CAST: variants seen among roughly 807,000 people sequenced by gnomAD.
The protein encoded by CAST is MIR583 host.
Under a neutral mutation model 119.6 loss-of-function variants are expected in CAST, and 76 were observed. That is an observed-to-expected ratio of 0.64 (90% CI 0.53 to 0.77). The LOEUF (loss-of-function observed/expected upper bound fraction) is 0.77, where lower values mean the gene tolerates loss of function less well. Ranked by LOEUF, CAST falls within the 30% of genes least tolerant of loss-of-function variation. The pLI is 0.00. For missense variants in CAST, 953 were observed against 946.5 expected, an observed-to-expected ratio of 1.01 and a Z score of -0.09; for synonymous variants, 319 against 331.6, an observed-to-expected ratio of 0.96 and a Z score of 0.41.
the CAST span, among the ~76,000 whole-genome samples, chr5:96,227,693 TG>T: frequency 6.6e-6 from 1 of 152,324 alleles, no homozygotes; most frequent in South Asian, 2.1e-4. Context: ...CCTTGTTTTT[TG>T]TTACTTTTTA....
intron 24 of CAST, chr5:96,760,888 G>A (rs1476783229): frequency 6.6e-6 from 1 of 151,620 alleles, no homozygotes; most frequent in African/African-American, 2.4e-5. Context: ...TGATACATTC[G>A]GAAAATAAAT....
chr5:96,706,074 T>G (rs1387359506), intron 3 of CAST, among the ~76,000 whole-genome samples: 1 of 152,226 alleles, frequency 6.6e-6, no homozygotes. Context: ...TAGTAATTGC[T>G]CAATATTTAT....
chr5:96,217,770 A>C, the CAST span, among the ~76,000 whole-genome samples: 1 of 152,192 alleles, frequency 6.6e-6, no homozygotes, highest in Non-Finnish European at 1.5e-5. Flanking sequence ...CAGAAACAGG[A>C]AAAACTTAAC....
intron 1 of CAST, among the ~76,000 whole-genome samples, chr5:96,665,372 A>G (rs1749183958): frequency 6.6e-6 from 1 of 152,208 alleles, no homozygotes; most frequent in Non-Finnish European, 1.5e-5. Context: ...GAGATATTTT[A>G]CATTCTTTTT....
chr5:96,346,783 A>G, the CAST span, among the ~76,000 whole-genome samples: 2 of 152,078 alleles, frequency 1.3e-5, no homozygotes, highest in African/African-American at 4.8e-5. Flanking sequence ...TGTGACCCCC[A>G]TCTGTCATAA....
the CAST span, among the ~76,000 whole-genome samples, chr5:96,167,375 T>A: frequency 6.6e-6 from 1 of 152,098 alleles, no homozygotes; most frequent in Non-Finnish European, 1.5e-5. Context: ...ATAGTAGGGA[T>A]GACAAGTTTT....
chr5:96,735,869 C>T (rs1033118639), intron 9 of CAST, among the ~76,000 whole-genome samples: 2 of 152,116 alleles, frequency 1.3e-5, no homozygotes, highest in Admixed American at 6.5e-5. Context: ...TGGCTGTGGG[C>T]CCTGGAGAAG....
intron 1 of CAST, among the ~76,000 whole-genome samples, chr5:96,609,403 T>G (rs941231408): frequency 6.7e-6 from 1 of 150,114 alleles, no homozygotes; most frequent in African/African-American, 2.5e-5. Context: ...AGATAAACCA[T>G]TTAAAGCGGT....
chr5:96,410,940 C>A, the CAST span: 1 of 1,614,056 alleles, frequency 6.2e-7, no homozygotes, highest in Non-Finnish European at 8.5e-7. Context: ...CTGACGCCCC[C>A]CGTTTCCCGA....
At chr5:96,290,256 G>A in the CAST span, among the ~76,000 whole-genome samples, 2 of 152,130 alleles carry the variant, frequency 1.3e-5, no homozygotes, top group African/African-American at 2.4e-5. Context: ...CAGAAACAAA[G>A]AGTAGAAAAA....
At chr5:96,763,281 C>T (rs1768668290) in intron 25 of CAST, 1 of 780,372 alleles carries the variant, frequency 1.3e-6, no homozygotes, top group Middle Eastern at 2.3e-4. Flanking sequence ...CCCCGGGCAG[C>T]TCTACCATTA....
At chr5:96,363,474 G>A in the CAST span, among the ~76,000 whole-genome samples, 35 of 152,088 alleles carry the variant, frequency 2.3e-4, no homozygotes, top group East Asian at 3.9e-4. Flanking sequence ...TGAGCATGGA[G>A]TGTTCTTCCA....
chr5:96,502,990 G>A, the CAST span, among the ~76,000 whole-genome samples: 3 of 152,082 alleles, frequency 2.0e-5, no homozygotes, highest in Admixed American at 2.0e-4. Context: ...AGGAGGACTT[G>A]GGGGTCTTTT....
intron 1 of CAST, among the ~76,000 whole-genome samples, chr5:96,636,197 T>C (rs1348914615): frequency 6.6e-6 from 1 of 152,238 alleles, no homozygotes; most frequent in African/African-American, 2.4e-5. Flanking sequence ...TAAGGCCTCA[T>C]GTCATCAAAT....
At chr5:96,734,985 T>G (rs952550785) in intron 9 of CAST, among the ~76,000 whole-genome samples, 12 of 150,448 alleles carry the variant, frequency 8.0e-5, no homozygotes, top group Non-Finnish European at 1.5e-4. Flanking sequence ...AAGAGAGACA[T>G]TGAGAAGGAA....
At chr5:96,702,336 A>C (rs1754010458) in intron 3 of CAST, among the ~76,000 whole-genome samples, 1 of 152,168 alleles carries the variant, frequency 6.6e-6, no homozygotes, top group Middle Eastern at 3.2e-3. Flanking sequence ...CAATAGCTTC[A>C]AATCTATTCT....
At chr5:96,049,905 A>AG in the CAST span, among the ~76,000 whole-genome samples, 2 of 149,118 alleles carry the variant, frequency 1.3e-5, no homozygotes, top group African/African-American at 4.9e-5. Flanking sequence ...AAAAAAAAAA[A>AG]AAAAAAAAAA....
the CAST span, among the ~76,000 whole-genome samples, chr5:95,992,421 CT>C: frequency 6.8e-6 from 1 of 147,386 alleles, no homozygotes; most frequent in South Asian, 2.1e-4. Context: ...TTTTTTTTTC[CT>C]TGAAAACCCA....
chr5:96,109,316 G>A, the CAST span, among the ~76,000 whole-genome samples: 1 of 152,168 alleles, frequency 6.6e-6, no homozygotes, highest in South Asian at 2.1e-4. Context: ...TGTTATTAGT[G>A]ATATTTGCAT....
Sources: allele counts gnomAD v4.1 joint callset (sites outside exome capture counted in the v4.1 genomes callset), GRCh38; gene constraint gnomAD v4.1.1; transcripts MANE v1.5; gene names NCBI Gene and HGNC (gene_info 2026-07-23, HGNC 2026-07-21).